Variants in ECPAS observed in about 807,000 individuals in gnomAD.
ECPAS encodes the protein Ecm29 proteasome adaptor and scaffold.
Under a neutral mutation model 255.1 loss-of-function variants are expected in ECPAS, and 70 were observed. The ratio of observed to expected loss-of-function variants is 0.27; its 90% confidence interval spans 0.23 to 0.33. The LOEUF is 0.33. ECPAS is among the 10% of genes least tolerant of loss of function. The probability of loss-of-function intolerance (pLI) is 1.00; values close to 1 mark genes in which losing one functional copy is unlikely to be tolerated. For synonymous variants in ECPAS, 784 were observed against 775.0 expected (o/e 1.01, Z -0.19); for missense variants, 1,817 against 2,206.4 (o/e 0.82, Z 3.54).
intron 2 of ECPAS, among the ~76,000 whole-genome samples, chr9:111,457,000 A>G (rs1340983578): frequency 6.6e-6 from 1 of 152,254 alleles, no homozygotes; most frequent in Non-Finnish European, 1.5e-5. Flanking sequence ...TAGGCAACAG[A>G]CAAAAATAAA....
chr9:111,484,284 G>C lies in ECPAS; in HGVS notation c.-251C>G, dbSNP rs1309445256. 2 of 1,527,096 alleles carry C rather than the reference G, an allele frequency of 1.3e-6. No individual in the cohort carries two copies. Among genetic ancestry groups the C allele is most frequent in the Non-Finnish European group, 1.8e-6 (2 of 1,138,636 alleles). 94.6% of individuals were successfully genotyped at this position (1,527,096 alleles called of 1,614,324 possible). Reference sequence around the variant, plus strand: ...GCCCTAGCGGCCGGGGGAAATCCTCGAGGCGGGGCCGGAGCGCCCTTTTCC... The same window carrying C: ...GCCCTAGCGGCCGGGGGAAATCCTCCAGGCGGGGCCGGAGCGCCCTTTTCC... On this transcript the variant is annotated 5_prime_UTR_variant, in exon 1 of 50. Coordinates refer to ENST00000684092, the MANE Select transcript of ECPAS (RefSeq NM_001364929.1).
chr9:111,431,657 C>T (rs1238383489), intron 8 of ECPAS, among the ~76,000 whole-genome samples: 1 of 151,952 alleles, frequency 6.6e-6, no homozygotes, highest in East Asian at 1.9e-4. Flanking sequence ...TGTAATCCTT[C>T]CTTTCATTTG....
At chr9:111,363,780 A>ATTTTTTTTTT in intron 48 of ECPAS, 121 bp from the exon 49 acceptor site, 1 of 486,596 alleles carries the variant, frequency 2.1e-6, no homozygotes, top group Non-Finnish European at 3.6e-6. Context: ...GGTATATCTG[A>ATTTTTTTTTT]TTTTTTTTTT....
chr9:111,466,087 TA>T (rs1410982197), intron 2 of ECPAS, among the ~76,000 whole-genome samples: 3 of 151,748 alleles, frequency 2.0e-5, no homozygotes, highest in Non-Finnish European at 4.4e-5. Context: ...ATCCATGTTT[TA>T]AAGACAAGAA....
At chr9:111,423,277 A>C in intron 12 of ECPAS, 29 bp from the exon 13 acceptor site, 1 of 1,476,908 alleles carries the variant, frequency 6.8e-7, no homozygotes, top group Non-Finnish European at 9.2e-7. Flanking sequence ...AAAGAAAGAA[A>C]AGAAAGAACA....
rs757294600 is a variant in ECPAS at position 111,363,649 on chromosome 9, G to A, written c.5319C>T (p.Thr1773=). Residue 1773 remains threonine, a synonymous_variant, in exon 49 of 50, where the codon ACC becomes ACT. Transcript: ENST00000684092. ...AAGCTTCTGTTCTCACAGATGAGTA[G>A]GTCTTATTTTCTAAAAAGAAATATC... ...KSITYSLENK[T]YSSVRTEALS... The A allele has an allele frequency of 7.9e-6, 12 of 1,512,464 alleles. No homozygotes were observed. The South Asian group carries it at 1.3e-4, about 17-fold the overall frequency. The allele number at this position is 1,512,464 out of a possible 1,614,324, so 93.7% of individuals were successfully genotyped here. A position where few individuals can be genotyped will look rare whatever the true frequency, so the allele number is the denominator to read the frequency against.
chr9:111,370,446 G>A lies in ECPAS; in HGVS notation c.4963C>T (p.Leu1655Phe). The A allele has an allele frequency of 6.3e-7, 1 of 1,588,468 alleles. No homozygotes were observed. Among genetic ancestry groups the A allele is most frequent in the Non-Finnish European group, 8.6e-7 (1 of 1,166,142 alleles). Residue 1655 changes from leucine to phenylalanine, a missense_variant, in exon 45 of 50, where the codon CTC becomes TTC. Around this residue, in one of 4 missense-constraint regions of ECPAS, gnomAD observed 960 missense variants for 1,179.0 expected, o/e 0.81. Coordinates refer to ENST00000684092, the MANE Select transcript of ECPAS (RefSeq NM_001364929.1). ...FQEFSNIVIP[L>F]IKKNSLESSG... ...ACAGGTGGTATTACCTTCTTGATGA[G>A]AGGTATGACAATGTTAGAGAACTCC...
At chr9:111,409,888 T>C (rs1212406228) in intron 23 of ECPAS, among the ~76,000 whole-genome samples, 153 bp downstream of exon 23, 7 of 152,214 alleles carry the variant, frequency 4.6e-5, no homozygotes, top group Non-Finnish European at 1.0e-4. Context: ...AGCTCAAAAG[T>C]AAACACTTAA....
At position 111,370,562 on chromosome 9, in the gene ECPAS, T is replaced by C; in HGVS notation, c.4847A>G (p.Lys1616Arg). The stretch of plus-strand genomic sequence containing the variant: ...TTTGACATTCTCTTTGCTACATTCC[T>C]TCAGAACAGCTTGAAGAATTTCATT... ...STNEILQAVL[K>R]ECSKENVKYK... Residue 1616 changes from lysine to arginine, a missense_variant, in exon 45 of 50, where the codon AAG becomes AGG. Lys to Arg is a conservative substitution (Grantham distance 26, BLOSUM62 2). This residue lies in a region of ECPAS where 960 missense variants were observed against 1,179.0 expected (regional missense o/e 0.81). Coordinates refer to ENST00000684092, the MANE Select transcript of ECPAS (RefSeq NM_001364929.1). 6.2e-7 allele frequency: 1 copy of C among 1,611,026 alleles called. No individual in the cohort carries two copies. The highest frequency in any genetic ancestry group is 8.5e-7 in the Non-Finnish European group (1 of 1,178,520).
Position 111,422,762 on chromosome 9 carries a change from G to A in ECPAS, c.1265+437C>T, listed in dbSNP as rs143817422. ...AGGAAGATGAAGCCAGGAGGAACTG[G>A]AATGAGGAAATCACATTGAGAAGAA... On this transcript the variant is annotated intron_variant, in intron 13 of 49. Transcript: ENST00000684092. 4.8e-4 allele frequency among the ~76,000 whole-genome samples: 73 copies of A among 152,168 alleles called. 3 individuals are homozygous for A. In the East Asian group the frequency reaches 0.014, roughly 29 times the overall value.
At chr9:111,365,729 GATAAAC>G (rs1368322598) in intron 48 of ECPAS, 1 of 152,392 alleles carries the variant, frequency 6.6e-6, no homozygotes, top group African/African-American at 2.4e-5. Context: ...GAATATGAAC[GATAAAC>G]ATTTGATTTA....
At chr9:111,410,307 C>T (rs1362180871) in intron 22 of ECPAS, 94 bp from the exon 23 acceptor site, 4 of 1,032,812 alleles carry the variant, frequency 3.9e-6, no homozygotes, top group Non-Finnish European at 5.5e-6. Context: ...TTTAAGACGG[C>T]AAAATAAAAT....
Position 111,412,050 on chromosome 9 carries a change from CATT to C in ECPAS, c.2175_2177del (p.Met726del), listed in dbSNP as rs1324970096. Reference sequence around the variant, plus strand: ...TTGTAGTCTTTATAAGCTGTTCTATCATTGATTTCAACTCATTCCCCGACACTG... The same window carrying C: ...TTGTAGTCTTTATAAGCTGTTCTATCGATTTCAACTCATTCCCCGACACTG... On this transcript the variant is annotated inframe_deletion, in exon 21 of 50. Transcript: ENST00000684092. The C allele has an allele frequency of 3.2e-6, 5 of 1,586,426 alleles. No individual in the cohort carries two copies. The highest frequency in any genetic ancestry group is 3.4e-6 in the Non-Finnish European group (4 of 1,172,470).
chr9:111,414,964 T>C (rs2098200925), intron 18 of ECPAS, among the ~76,000 whole-genome samples: 1 of 152,076 alleles, frequency 6.6e-6, no homozygotes, highest in African/African-American at 2.4e-5. Flanking sequence ...TTCTCACTTA[T>C]AAGTGGGAGT....
chr9:111,425,896 T>C, intron 10 of ECPAS, 68 bp from the exon 11 acceptor site: 1 of 779,846 alleles, frequency 1.3e-6, no homozygotes. Flanking sequence ...TGAATAGTAA[T>C]CAGAATTCAG....
intron 7 of ECPAS, among the ~76,000 whole-genome samples, chr9:111,434,175 G>C (rs2098234241): frequency 6.6e-6 from 1 of 151,978 alleles, no homozygotes; most frequent in Admixed American, 6.6e-5. Flanking sequence ...ACTTAAAAAA[G>C]CATAACAGAT....
In ECPAS at chr9:111,422,191, T is replaced by G. The variant is rs1213249439; in HGVS notation, c.1275A>C (p.Pro425=). 2 of 1,613,310 alleles carry G rather than the reference T, an allele frequency of 1.2e-6. No individual in the cohort carries two copies. Among genetic ancestry groups the G allele is most frequent in the African/African-American group, 2.7e-5 (2 of 74,874 alleles). The change falls in exon 14 of 50, where the codon CCA becomes CCC. Residue 425 remains proline, a synonymous_variant. Transcript: ENST00000684092. ...GCGCTATATCCTTAGTGAATAAATG[T>G]GGCATCCGACTGCAAAAGAATGTAA... ...SAVGKLSSRM[P]HLFTKDIALV... is the part of the protein sequence containing the mutation.
At chr9:111,412,292 G>T in intron 20 of ECPAS, 144 bp from the exon 21 acceptor site, 2 of 722,232 alleles carry the variant, frequency 2.8e-6, no homozygotes, top group Non-Finnish European at 4.0e-6. Context: ...CAAAATGAAA[G>T]CTGAATGAAT....
intron 31 of ECPAS, among the ~76,000 whole-genome samples, chr9:111,389,183 C>T (rs57989938): frequency 0.063 from 9,615 of 152,228 alleles, 427 homozygotes; most frequent in East Asian, 0.19. Context: ...AACAAAATGG[C>T]AATTGCCTGC....
Sources: gnomAD v4.1 joint callset for allele counts (sites outside exome capture counted in the v4.1 genomes callset) on GRCh38, gnomAD v4.1.1 for gene constraint, gnomAD v4.1.1 regional missense constraint, MANE v1.5 for transcripts, NCBI Gene and HGNC (gene_info 2026-07-23, HGNC 2026-07-21) for gene names.